Variants in ADAM15 observed in about 807,000 individuals in gnomAD.
ADAM15 encodes disintegrin and metalloproteinase domain-containing protein 15.
ADAM15 carries 77 observed loss-of-function variants against 113.8 expected under a neutral mutation model. The ratio of observed to expected loss-of-function variants is 0.68; its 90% CI spans 0.56 to 0.82. The LOEUF (loss-of-function observed/expected upper bound fraction) is 0.82, where lower values mean the gene tolerates loss of function less well. Among genes scored for constraint, ADAM15 ranks in the 40% least tolerant of loss-of-function variants. ADAM15 has a pLI of 0.00. For missense variants in ADAM15, 963 were observed against 1,120.1 expected (o/e 0.86, Z 2.00); for synonymous variants, 388 against 454.1 (o/e 0.85, Z 1.85).
chr1:155,061,604 C>T lies in ADAM15; in HGVS notation c.2352+115C>T, dbSNP rs961556737. The T allele has an allele frequency of 3.4e-6, 4 of 1,173,536 alleles. No homozygotes were observed. The African/African-American group carries it at 4.6e-5, about 13-fold the overall frequency. The allele number at this position is 1,173,536 out of a possible 1,614,324, so 72.7% of individuals were successfully genotyped here. A position where few individuals can be genotyped will look rare whatever the true frequency, so the allele number is the denominator to read the frequency against. On this transcript the variant is annotated intron_variant, in intron 20 of 22. Coordinates refer to ENST00000356955, the MANE Select transcript of ADAM15 (RefSeq NM_207197.3). Reference sequence around the variant, plus strand: ...TGCTCTTCATTAGGTGATCGGGGTGCCCCTCAGCCTTCAGACACTCTGAGC... The same window carrying T: ...TGCTCTTCATTAGGTGATCGGGGTGTCCCTCAGCCTTCAGACACTCTGAGC...
rs1662023345 is a variant in ADAM15, at chr1:155,057,964, GC to G, written c.1533del (p.Cys512AlafsTer92). The G allele has an allele frequency of 6.2e-7, 1 of 1,612,590 alleles. No individual in the cohort carries two copies. Among genetic ancestry groups the G allele is most frequent in the Admixed American group, 1.7e-5 (1 of 60,014 alleles). Reference protein sequence around the residue: ...PPDVSLGDGEPCAGGQAVCMH... With the variant: ...PPDVSLGDGEXCAGGQAVCMH... ...CTGATGTCAGCCTAGGGGATGGCGA[GC>G]CCTGCGCTGGCGGGCAAGCTGTGTG... On this transcript the variant is annotated frameshift_variant, in exon 14 of 23. Transcript: ENST00000356955. LOFTEE classifies it high-confidence loss of function. The surrounding 1 kb of genome is among the most constrained non-coding windows in gnomAD (Gnocchi z 5.0).
chr1:155,060,369 ACTTC>A (rs1201493410), intron 18 of ADAM15, 26 bp downstream of exon 18: 1 of 1,611,296 alleles, frequency 6.2e-7, no homozygotes, highest in East Asian at 2.2e-5. Flanking sequence ...CCCTGCTACC[ACTTC>A]CTTCAACTGG....
chr1:155,054,231 A>G lies in ADAM15; in HGVS notation c.419+5A>G. 1.3e-6 allele frequency: 2 copies of G among 1,596,384 alleles called. No individual in the cohort carries two copies. Among genetic ancestry groups the G allele is most frequent in the Non-Finnish European group, 1.7e-6 (2 of 1,173,398 alleles). On this transcript the variant is annotated splice_donor_5th_base_variant and intron_variant, in intron 5 of 22. Coordinates refer to ENST00000356955, the MANE Select transcript of ADAM15 (RefSeq NM_207197.3). ...CTGCACCTGCTCTGGGCTCAGGTATACTGGGCGGATTTAATGACAGTAGAG... is the reference window on the plus strand; with the variant it reads ...CTGCACCTGCTCTGGGCTCAGGTATGCTGGGCGGATTTAATGACAGTAGAG...
In ADAM15 at chr1:155,057,761, T is replaced by A; in HGVS notation, c.1416+32T>A. 3 of 1,614,012 alleles carry A rather than the reference T, an allele frequency of 1.9e-6. No homozygotes were observed. The highest frequency in any genetic ancestry group is 1.1e-5 in the South Asian group (1 of 91,076). ...AGAGACTAGACTGGCCACCCGGAGC[T>A]CACCTGCCGGGGCCAAGGTGGAAAG... On this transcript the variant is annotated intron_variant, in intron 13 of 22. Transcript: ENST00000356955. The surrounding 1 kb of genome is among the most constrained non-coding windows in gnomAD (Gnocchi z 5.0).
Position 155,062,088 on chromosome 1 carries a change from A to T in ADAM15, c.2424+113A>T. On this transcript the variant is annotated intron_variant, in intron 21 of 22. Transcript: ENST00000356955. The surrounding 1 kb of genome is among the most constrained non-coding windows in gnomAD (Gnocchi z 7.0). ...ATGCCCCCTCAGTGCATGAGGGCAC[A>T]TATCCCGGTGGTGCCTTTAATGGTG... 6.7e-7 allele frequency: 1 copy of T among 1,486,206 alleles called. No homozygotes were observed. Among genetic ancestry groups the T allele is most frequent in the Non-Finnish European group, 8.9e-7 (1 of 1,119,572 alleles). The allele number at this position is 1,486,206 out of a possible 1,614,324, so 92.1% of individuals were successfully genotyped here. A position where few individuals can be genotyped will look rare whatever the true frequency, so the allele number is the denominator to read the frequency against.
Position 155,055,973 on chromosome 1 carries a change from A to ACTGGAAGTGGGCCTCTTG in ADAM15, c.727_728insGCCTCTTGCTGGAAGTGG (p.Val242_Ala243insGlyLeuLeuLeuGluVal). The ACTGGAAGTGGGCCTCTTG allele has an allele frequency of 1.2e-6, 2 of 1,614,000 alleles. No individual in the cohort carries two copies. The highest frequency in any genetic ancestry group is 1.7e-6 in the Non-Finnish European group (2 of 1,180,014). ...ACTTCCAGCACCTGCTAAACCGCAC[A>ACTGGAAGTGGGCCTCTTG]CTGGAAGTGGCCCTCTTGCTGGACA... On this transcript the variant is annotated inframe_insertion, in exon 8 of 23. Transcript: ENST00000356955.
chr1:155,058,897 TC>T lies in ADAM15; in HGVS notation c.1995+113del. On this transcript the variant is annotated intron_variant, in intron 16 of 22. Transcript: ENST00000356955. The surrounding 1 kb of genome is among the most constrained non-coding windows in gnomAD (Gnocchi z 4.3). ...GGGTTTTAATCCTTGCTCTACTACT[TC>T]CCAGTTGTGTGACCTCGGGCAGGTT... The T allele has an allele frequency of 7.2e-7, 1 of 1,388,478 alleles. No homozygotes were observed. 86.0% of individuals were successfully genotyped at this position (1,388,478 alleles called of 1,614,324 possible).
At position 155,054,206 on chromosome 1, in the gene ADAM15, C is replaced by A; in HGVS notation, c.399C>A (p.Ile133=). 3 of 1,606,580 alleles carry A rather than the reference C, an allele frequency of 1.9e-6. No homozygotes were observed. Among genetic ancestry groups the A allele is most frequent in the Non-Finnish European group, 2.5e-6 (3 of 1,177,804 alleles). The change falls in exon 5 of 23, where the codon ATC becomes ATA. Residue 133 remains isoleucine (I), a synonymous_variant. Coordinates refer to ENST00000356955, the MANE Select transcript of ADAM15 (RefSeq NM_207197.3). ...GATATGCAGGCTCCTGGGTGTCCATCTGCACCTGCTCTGGGCTCAGGTATA... is the reference window on the plus strand; with the variant it reads ...GATATGCAGGCTCCTGGGTGTCCATATGCACCTGCTCTGGGCTCAGGTATA... The part of the protein sequence containing the change: ...VRGYAGSWVS[I]CTCSGLRGLV...
intron 6 of ADAM15, among the ~76,000 whole-genome samples, chr1:155,055,168 C>G (rs556498526): frequency 6.6e-6 from 1 of 151,970 alleles, no homozygotes; most frequent in Non-Finnish European, 1.5e-5. Context: ...GTGCTTAAAA[C>G]TATGCCAGAC....
chr1:155,055,556 AC>A (rs1661642681), intron 6 of ADAM15: 1 of 568,426 alleles, frequency 1.8e-6, no homozygotes, highest in Non-Finnish European at 3.1e-6. Flanking sequence ...TTTGAAAAAA[AC>A]CACTGAGTTT....
Position 155,054,083 on chromosome 1 carries a change from C to T in ADAM15, c.343-67C>T, listed in dbSNP as rs541350720. 450 of 1,612,422 alleles carry T rather than the reference C, an allele frequency of 2.8e-4. 2 individuals carry two copies. The highest frequency in any genetic ancestry group is 1.3e-3 in the South Asian group (121 of 91,032). On this transcript the variant is annotated intron_variant, in intron 4 of 22. Transcript: ENST00000356955. ...GACACTGCATATTTTTACCGTCAAG[C>T]TAGGCTCCTCAGTTCCAGTCCTGGT...
intron 6 of ADAM15, 137 bp from the exon 7 acceptor site, chr1:155,055,653 A>T: frequency 1.1e-6 from 1 of 911,090 alleles, no homozygotes; most frequent in African/African-American, 1.6e-5. Flanking sequence ...TCTGGCCTTC[A>T]GTGGCTCATC....
chr1:155,055,897 C>T (rs1469852949), intron 7 of ADAM15, 35 bp from the exon 8 acceptor site: 1 of 1,614,236 alleles, frequency 6.2e-7, no homozygotes. Flanking sequence ...CTGCACTGCC[C>T]TGCCGCCTTT....
intron 4 of ADAM15, 60 bp from the exon 5 acceptor site, chr1:155,054,090 C>T (rs1000321813): frequency 6.2e-7 from 1 of 1,612,828 alleles, no homozygotes; most frequent in African/African-American, 1.3e-5. Context: ...AAGCTAGGCT[C>T]CTCAGTTCCA....
At chr1:155,061,801 C>T (rs1662659004) in intron 20 of ADAM15, 103 bp from the exon 21 acceptor site, 2 of 1,278,152 alleles carry the variant, frequency 1.6e-6, no homozygotes, top group South Asian at 1.6e-5. Flanking sequence ...CTCCTGCCCC[C>T]TGGCTGACTT....
Position 155,056,981 on chromosome 1 carries a change from C to T in ADAM15, c.1028C>T (p.Ala343Val). ...CACTCCACCAGCATCCTGGGAGTCG[C>T]CTCCTCCATAGCCCATGAGTTGGGC... ...MDHSTSILGVASSIAHELGHS... is the reference protein window; with the variant it reads ...MDHSTSILGVVSSIAHELGHS... The change falls in exon 11 of 23, where the codon GCC (alanine) becomes GTC (valine). Residue 343 changes from alanine to valine, a missense_variant. Ala to Val is a moderately conservative substitution (Grantham distance 64). Transcript: ENST00000356955. The surrounding 1 kb of genome is among the most constrained non-coding windows in gnomAD (Gnocchi z 4.0). 1.9e-6 allele frequency: 3 copies of T among 1,585,526 alleles called. No individual in the cohort carries two copies. The highest frequency in any genetic ancestry group is 1.7e-6 in the Non-Finnish European group (2 of 1,166,376).
In ADAM15 at chr1:155,062,624, C is replaced by G; in HGVS notation, c.*122C>G. 3 of 1,338,888 alleles carry G rather than the reference C, an allele frequency of 2.2e-6. No individual in the cohort carries two copies. The highest frequency in any genetic ancestry group is 3.1e-6 in the Non-Finnish European group (3 of 972,846). 82.9% of individuals were successfully genotyped at this position (1,338,888 alleles called of 1,614,324 possible). On this transcript the variant is annotated 3_prime_UTR_variant, in exon 23 of 23. Coordinates refer to ENST00000356955, the MANE Select transcript of ADAM15 (RefSeq NM_207197.3). The surrounding 1 kb of genome is among the most constrained non-coding windows in gnomAD (Gnocchi z 7.0). ...ACTGGCGGTGTCTTAAGACTCCGGGCACCGCCACGCGCTGTCAAGCAACAC... is the reference window on the plus strand; with the variant it reads ...ACTGGCGGTGTCTTAAGACTCCGGGGACCGCCACGCGCTGTCAAGCAACAC...
chr1:155,061,258 T>C (rs571002961), intron 19 of ADAM15, 157 bp from the exon 20 acceptor site: 1 of 603,082 alleles, frequency 1.7e-6, no homozygotes, highest in Admixed American at 3.0e-5. Flanking sequence ...TCCTCCCCAC[T>C]CGCTCCCCAC....
chr1:155,052,160 A>C, intron 1 of ADAM15: 1 of 236,472 alleles, frequency 4.2e-6, no homozygotes, highest in South Asian at 6.1e-5. Flanking sequence ...AGGAGGAAGC[A>C]GAGGCTGTAG....
Sources: gnomAD v4.1 joint callset for allele counts (sites outside exome capture counted in the v4.1 genomes callset) on GRCh38, gnomAD v4.1.1 for gene constraint, Gnocchi (gnomAD v3.1) non-coding constraint, MANE v1.5 for transcripts, NCBI Gene and HGNC (gene_info 2026-07-23, HGNC 2026-07-21) for gene names.